Variants in RAP1GDS1 observed in about 807,000 individuals in gnomAD.
RAP1GDS1 encodes the protein RAP1, GTP-GDP dissociation stimulator 1.
In RAP1GDS1, 35 loss-of-function variants were observed where a neutral mutation model predicts 71.1. The observed-to-expected ratio is 0.49, with a 90% CI of 0.38 to 0.65. The LOEUF (loss-of-function observed/expected upper bound fraction) is 0.65, where lower values mean the gene tolerates loss of function less well. RAP1GDS1 is among the 30% of genes least tolerant of loss of function. The pLI, the probability that RAP1GDS1 is intolerant of heterozygous loss-of-function variation, is 0.00. For synonymous variants in RAP1GDS1, 229 were observed against 243.1 expected, an observed-to-expected ratio of 0.94 and a Z score of 0.54; for missense variants, 663 against 706.1, an observed-to-expected ratio of 0.94 and a Z score of 0.69.
rs561916892 is a variant in RAP1GDS1, at chr4:98,336,926, G to A, written c.113-6213G>A. Among the ~76,000 whole-genome samples the A allele has an allele frequency of 1.6e-3, 240 of 151,636 alleles. 2 individuals are homozygous for A. The highest frequency in any genetic ancestry group is 5.4e-3 in the African/African-American group (223 of 41,298). ...TTGTTTTTTCTTGAGGCAGAGTCTC[G>A]CTTTGTTGCCCAGGCTAGAGTGCAG... On this transcript the variant is annotated intron_variant, in intron 2 of 14. Transcript: ENST00000408927.
chr4:98,421,434 G>A (rs1353013670), intron 12 of RAP1GDS1, 40 bp downstream of exon 12: 4 of 1,528,912 alleles, frequency 2.6e-6, no homozygotes, highest in Non-Finnish European at 3.5e-6. Context: ...AAACTTCAGA[G>A]TGTCTTTTTC....
intron 7 of RAP1GDS1, among the ~76,000 whole-genome samples, chr4:98,416,520 T>C (rs1393548130): frequency 2.0e-5 from 3 of 151,650 alleles, no homozygotes; most frequent in Non-Finnish European, 4.4e-5. Context: ...CTAATTTTTT[T>C]TTGTATTTTT....
chr4:98,333,325 A>C (rs1201248335), intron 2 of RAP1GDS1, among the ~76,000 whole-genome samples: 2 of 152,026 alleles, frequency 1.3e-5, no homozygotes, highest in African/African-American at 4.8e-5. Context: ...TTTAATTCTT[A>C]GTAACAATTT....
chr4:98,354,756 T>G (rs928249845), intron 4 of RAP1GDS1, among the ~76,000 whole-genome samples: 2 of 152,164 alleles, frequency 1.3e-5, no homozygotes, highest in Non-Finnish European at 2.9e-5. Flanking sequence ...CAACTTATCC[T>G]CATTTAGTTC....
intron 5 of RAP1GDS1, among the ~76,000 whole-genome samples, chr4:98,389,692 A>G (rs1206687330): frequency 6.6e-6 from 1 of 152,178 alleles, no homozygotes; most frequent in Admixed American, 6.5e-5. Context: ...TTTGTATGCC[A>G]AAGATTGTAT....
chr4:98,325,256 A>C (rs1349227990), intron 2 of RAP1GDS1, among the ~76,000 whole-genome samples: 10 of 150,702 alleles, frequency 6.6e-5, no homozygotes, highest in African/African-American at 2.2e-4. Flanking sequence ...GGCAATCATT[A>C]AAAAGTCAGG....
At chr4:98,326,176 C>CT (rs1425649417) in intron 2 of RAP1GDS1, among the ~76,000 whole-genome samples, 1 of 151,998 alleles carries the variant, frequency 6.6e-6, no homozygotes, top group East Asian at 1.9e-4. Flanking sequence ...TAATTCTTCC[C>CT]TCTTCCAAAC....
At chr4:98,274,001 A>T (rs1723858064) in intron 1 of RAP1GDS1, among the ~76,000 whole-genome samples, 1 of 152,192 alleles carries the variant, frequency 6.6e-6, no homozygotes, top group African/African-American at 2.4e-5. Context: ...AAATTTGTGT[A>T]TGGAGGGAGA....
At chr4:98,328,233 A>T (rs527845922) in intron 2 of RAP1GDS1, among the ~76,000 whole-genome samples, 1 of 152,276 alleles carries the variant, frequency 6.6e-6, no homozygotes, top group Admixed American at 6.5e-5. Context: ...ATACAAAAAG[A>T]TCTCTTAGGT....
chr4:98,426,620 A>G (rs1749648528), intron 12 of RAP1GDS1, among the ~76,000 whole-genome samples: 1 of 152,154 alleles, frequency 6.6e-6, no homozygotes, highest in Non-Finnish European at 1.5e-5. Context: ...CCTAGAGGAG[A>G]TGGATAAATT....
chr4:98,289,878 T>C (rs1484852991), intron 1 of RAP1GDS1, among the ~76,000 whole-genome samples: 1 of 152,116 alleles, frequency 6.6e-6, no homozygotes, highest in African/African-American at 2.4e-5. Context: ...TTCTAGGTAC[T>C]TGAAAACCAC....
chr4:98,295,468 A>G (rs146869401), intron 2 of RAP1GDS1, among the ~76,000 whole-genome samples: 2,502 of 152,198 alleles, frequency 0.016, 79 homozygotes, highest in Admixed American at 0.086. Context: ...GACACCTGTC[A>G]TTGGATCACT....
At chr4:98,432,272 T>G (rs1578869464) in intron 12 of RAP1GDS1, among the ~76,000 whole-genome samples, 1 of 152,346 alleles carries the variant, frequency 6.6e-6, no homozygotes, top group African/African-American at 2.4e-5. Context: ...CACTGGTCTT[T>G]TAAGTGTGAT....
intron 4 of RAP1GDS1, among the ~76,000 whole-genome samples, chr4:98,359,001 CTTG>C (rs1738343327): frequency 6.6e-6 from 1 of 151,886 alleles, no homozygotes; most frequent in African/African-American, 2.4e-5. Context: ...GGGAAATGAC[CTTG>C]TTGTTTCAGC....
At chr4:98,385,831 T>G (rs528017114) in intron 5 of RAP1GDS1, among the ~76,000 whole-genome samples, 1 of 151,958 alleles carries the variant, frequency 6.6e-6, no homozygotes, top group African/African-American at 2.4e-5. Context: ...ATATATTCTT[T>G]TGTAAAAGAA....
intron 2 of RAP1GDS1, among the ~76,000 whole-genome samples, chr4:98,313,435 C>A (rs1399659848): frequency 2.0e-5 from 3 of 152,136 alleles, no homozygotes; most frequent in Admixed American, 1.3e-4. Flanking sequence ...GAAAATTAAC[C>A]ATCAGAAGTG....
chr4:98,342,947 C>T (rs929598098), intron 2 of RAP1GDS1, among the ~76,000 whole-genome samples, 192 bp from the exon 3 acceptor site: 6 of 149,820 alleles, frequency 4.0e-5, no homozygotes, highest in East Asian at 4.0e-4. Context: ...TGTTTTGTGC[C>T]GATTAAAACT....
intron 2 of RAP1GDS1, among the ~76,000 whole-genome samples, chr4:98,318,579 A>T (rs1435030416): frequency 6.6e-6 from 1 of 152,216 alleles, no homozygotes; most frequent in African/African-American, 2.4e-5. Context: ...TGAGATGAAT[A>T]ATGTAGGCAT....
chr4:98,261,423 A>T lies in RAP1GDS1; in HGVS notation c.-143A>T. The T allele has an allele frequency of 1.9e-6, 1 of 538,578 alleles. No homozygotes were observed. The highest frequency in any genetic ancestry group is 2.7e-6 in the Non-Finnish European group (1 of 372,838). 33.4% of individuals were successfully genotyped at this position (538,578 alleles called of 1,614,324 possible). A position where few individuals can be genotyped will look rare whatever the true frequency, so the allele number is the denominator to read the frequency against. Reference sequence around the variant, plus strand: ...CGGCCGCGCCGCCTGCAGCAGCACCAGCTGCTCCTCCCCGGCGGCCGCCCC... The same window carrying T: ...CGGCCGCGCCGCCTGCAGCAGCACCTGCTGCTCCTCCCCGGCGGCCGCCCC... On this transcript the variant is annotated 5_prime_UTR_variant, in exon 1 of 15. Coordinates refer to ENST00000408927, the MANE Select transcript of RAP1GDS1 (RefSeq NM_001100427.2).
Sources: gnomAD v4.1 joint callset for allele counts (sites outside exome capture counted in the v4.1 genomes callset) on GRCh38, gnomAD v4.1.1 for gene constraint, MANE v1.5 for transcripts, NCBI Gene and HGNC (gene_info 2026-07-23, HGNC 2026-07-21) for gene names.